The following RDH11 variants were observed in gnomAD, a reference collection of about 807,000 sequenced individuals.
RDH11 encodes retinol dehydrogenase 11, also known as HCV core-binding protein HCBP12.
RDH11 carries 19 observed loss-of-function variants against 33.4 expected under a neutral mutation model. The observed-to-expected ratio is 0.57, with a 90% CI of 0.40 to 0.83. RDH11 has a LOEUF of 0.83. RDH11 is among the 40% of genes least tolerant of loss of function. The probability of loss-of-function intolerance (pLI) is 0.00; values close to 1 mark genes in which losing one functional copy is unlikely to be tolerated. For missense variants in RDH11, 353 were observed against 389.0 expected (o/e 0.91, Z 0.78); for synonymous variants, 154 against 155.3 (o/e 0.99, Z 0.06).
Position 67,695,645 on chromosome 14 carries a change from G to A in RDH11, c.59C>T (p.Ala20Val). ...LLLLPFLLYM[A>V]APQIRKMLSS... is the part of the protein sequence containing the mutation. The stretch of plus-strand genomic sequence containing the variant: ...TTGCACAGACCTGATTTGGGGCGCA[G>A]CCATATACAGAAGGAAGGGCAGAAG... The change falls in exon 1 of 7, where the codon GCT becomes GTT. Residue 20 changes from alanine to valine, a missense_variant. Transcript: ENST00000381346. The A allele has an allele frequency of 6.2e-7, 1 of 1,614,138 alleles. No individual in the cohort carries two copies. The highest frequency in any genetic ancestry group is 1.1e-5 in the South Asian group (1 of 91,082).
intron 5 of RDH11, among the ~76,000 whole-genome samples, chr14:67,687,687 T>C (rs2140070954): frequency 6.6e-6 from 1 of 152,050 alleles, no homozygotes; most frequent in East Asian, 1.9e-4. Context: ...GTCAGGCTGG[T>C]CTTGAACTCC....
At chr14:67,693,592 G>C (rs983031561) in intron 1 of RDH11, among the ~76,000 whole-genome samples, 5 of 150,966 alleles carry the variant, frequency 3.3e-5, no homozygotes, top group African/African-American at 1.2e-4. Context: ...ACAAAGGGGA[G>C]CTGGGATTCA....
intron 5 of RDH11, among the ~76,000 whole-genome samples, chr14:67,687,467 CTTT>C (rs67069556): frequency 6.3e-5 from 5 of 79,690 alleles, no homozygotes; most frequent in Non-Finnish European, 7.7e-5. Flanking sequence ...CTCCATATTC[CTTT>C]TTTTTTTTTT....
intron 6 of RDH11, among the ~76,000 whole-genome samples, chr14:67,682,494 G>T (rs1366495318): frequency 6.6e-6 from 1 of 152,036 alleles, no homozygotes; most frequent in Non-Finnish European, 1.5e-5. Context: ...ACCAAAAAGC[G>T]CATGAAAGAA....
rs775860070 is a variant in RDH11 at position 67,682,454 on chromosome 14, T to A, written c.854+2561A>T. On this transcript the variant is annotated intron_variant, in intron 6 of 6. Transcript: ENST00000381346. ...ACTTAAAAATGGGCAAAGGACTTGA[T>A]AGACATTTCCCCAACAAAGAAACAA... 2.0e-5 allele frequency among the ~76,000 whole-genome samples: 3 copies of A among 152,304 alleles called. No homozygotes were observed. The East Asian group carries it at 5.8e-4, about 29-fold the overall frequency.
Position 67,678,252 on chromosome 14 carries a change from G to A in RDH11, c.*69C>T, listed in dbSNP as rs2037568695. 13 of 1,041,212 alleles carry A rather than the reference G, an allele frequency of 1.2e-5. No homozygotes were observed. Among genetic ancestry groups the A allele is most frequent in the Non-Finnish European group, 1.8e-5 (12 of 668,606 alleles). 64.5% of individuals were successfully genotyped at this position (1,041,212 alleles called of 1,614,324 possible). A position where few individuals can be genotyped will look rare whatever the true frequency, so the allele number is the denominator to read the frequency against. On this transcript the variant is annotated 3_prime_UTR_variant, in exon 7 of 7. Transcript: ENST00000381346. ...TAAAGGTTTTGAAAACCTTGAAGGAGAATCATTTTGACAAGAAGTACTGTG... is the reference window on the plus strand; with the variant it reads ...TAAAGGTTTTGAAAACCTTGAAGGAAAATCATTTTGACAAGAAGTACTGTG...
Position 67,678,834 on chromosome 14 carries a change from G to T in RDH11, c.855-411C>A, listed in dbSNP as rs185984545. Among the ~76,000 whole-genome samples the T allele has an allele frequency of 9.6e-3, 1,371 of 142,162 alleles. 66 individuals carry two copies. Among genetic ancestry groups the T allele is most frequent in the Admixed American group, 0.083 (1,157 of 14,012 alleles). 93.3% of individuals were successfully genotyped at this position (142,162 alleles called of 152,430 possible). A position where few individuals can be genotyped will look rare whatever the true frequency, so the allele number is the denominator to read the frequency against. On this transcript the variant is annotated intron_variant, in intron 6 of 6. Coordinates refer to ENST00000381346, the MANE Select transcript of RDH11 (RefSeq NM_016026.4). ...TTCACATTGGTCAGAGATGCCTGGA[G>T]TAGTAAAAAAAAAAAAGAAATGCTT...
intron 6 of RDH11, 69 bp downstream of exon 6, chr14:67,684,946 A>G: frequency 9.2e-6 from 12 of 1,309,118 alleles, no homozygotes; most frequent in Non-Finnish European, 1.3e-5. Flanking sequence ...AAAAGGGTAT[A>G]CCCAGACAAA....
Position 67,695,753 on chromosome 14 carries a change from C to T in RDH11, c.-50G>A. On this transcript the variant is annotated 5_prime_UTR_variant, in exon 1 of 7. Transcript: ENST00000381346. ...AGCGGGATGCTCCAGCGTTGCTCGC[C>T]GACTATGGCTTCTCTTTCTAGACAC... The T allele has an allele frequency of 6.4e-7, 1 of 1,557,440 alleles. No homozygotes were observed. Among genetic ancestry groups the T allele is most frequent in the African/African-American group, 1.4e-5 (1 of 73,654 alleles).
intron 5 of RDH11, among the ~76,000 whole-genome samples, chr14:67,687,905 A>G (rs1328183772): frequency 3.3e-5 from 5 of 151,560 alleles, no homozygotes; most frequent in Non-Finnish European, 5.9e-5. Flanking sequence ...TCCAGTAGCT[A>G]GGATTACAGG....
intron 6 of RDH11, 38 bp from the exon 7 acceptor site, chr14:67,678,461 A>C: frequency 7.1e-7 from 1 of 1,415,002 alleles, no homozygotes; most frequent in Non-Finnish European, 1.0e-6. Flanking sequence ...CACAGTGTTA[A>C]GAATGAAGTC....
intron 6 of RDH11, among the ~76,000 whole-genome samples, chr14:67,680,727 G>C (rs748021658): frequency 2.0e-5 from 3 of 152,238 alleles, no homozygotes; most frequent in Non-Finnish European, 4.4e-5. Context: ...CCAAAGTGCA[G>C]GGATTACAGG....
At chr14:67,681,073 A>G (rs2037609934) in intron 6 of RDH11, among the ~76,000 whole-genome samples, 1 of 152,172 alleles carries the variant, frequency 6.6e-6, no homozygotes, top group African/African-American at 2.4e-5. Flanking sequence ...ATTTAGAGAG[A>G]GGGCCTTTAA....
intron 6 of RDH11, among the ~76,000 whole-genome samples, chr14:67,679,505 G>A (rs1350190560): frequency 1.3e-5 from 2 of 151,720 alleles, no homozygotes; most frequent in African/African-American, 4.8e-5. Context: ...CCAGGTTTGA[G>A]CAATTCTCCT....
chr14:67,679,014 C>A (rs12435531), intron 6 of RDH11, among the ~76,000 whole-genome samples: 2 of 152,004 alleles, frequency 1.3e-5, no homozygotes, highest in South Asian at 4.2e-4. Context: ...TAACAGAATA[C>A]GACAAACTGG....
Position 67,678,311 on chromosome 14 carries a change from G to A in RDH11, c.*10C>T. ...TGCAGTCTTCTCTTGGGTCCAACTG[G>A]CACTGCCTGTTAGTCTATTGGGAGG... On this transcript the variant is annotated 3_prime_UTR_variant, in exon 7 of 7. Transcript: ENST00000381346. The A allele has an allele frequency of 6.4e-7, 1 of 1,562,210 alleles. No homozygotes were observed.
At position 67,677,157 on chromosome 14, in the gene RDH11, AT is replaced by A. The variant is rs1337148091; in HGVS notation, c.*1163del. ...CAAACAAGTGATGGGAACACTACTA[AT>A]TCCTTAGACTTCCTTTGGCAGCATT... On this transcript the variant is annotated 3_prime_UTR_variant, in exon 7 of 7. Coordinates refer to ENST00000381346, the MANE Select transcript of RDH11 (RefSeq NM_016026.4). 6.6e-6 allele frequency: 1 copy of A among 152,138 alleles called. No individual in the cohort carries two copies. The highest frequency in any genetic ancestry group is 1.9e-4 in the East Asian group (1 of 5,188). The allele number at this position is 152,138 out of a possible 1,614,324, so 9.4% of individuals were successfully genotyped here. A position where few individuals can be genotyped will look rare whatever the true frequency, so the allele number is the denominator to read the frequency against.
chr14:67,685,162 T>G lies in RDH11; in HGVS notation c.707A>C (p.Gln236Pro). 6.2e-7 allele frequency: 1 copy of G among 1,614,152 alleles called. No homozygotes were observed. The highest frequency in any genetic ancestry group is 1.1e-5 in the South Asian group (1 of 91,080). Residue 236 changes from glutamine to proline, a missense_variant, in exon 6 of 7, where the codon CAA becomes CCA. Gln to Pro is a moderately conservative substitution (Grantham distance 76, BLOSUM62 -1). Coordinates refer to ENST00000381346, the MANE Select transcript of RDH11 (RefSeq NM_016026.4). The stretch of plus-strand genomic sequence containing the variant: ...AGATGAGTGCCGAACCAGTTCAGAT[T>G]GGACTGTGCCAGGGTGTACAGAATA... ...TTYSVHPGTV[Q>P]SELVRHSSFM... is the part of the protein sequence containing the mutation.
At chr14:67,691,509 T>C (rs1566829966) in intron 3 of RDH11, 2 of 330,406 alleles carry the variant, frequency 6.1e-6, no homozygotes, top group African/African-American at 4.2e-5. Context: ...TCACTGCTTT[T>C]GGGAATTGTT....
Sources: gnomAD v4.1 joint callset for allele counts (sites outside exome capture counted in the v4.1 genomes callset) on GRCh38, gnomAD v4.1.1 for gene constraint, MANE v1.5 for transcripts, NCBI Gene and HGNC (gene_info 2026-07-23, HGNC 2026-07-21) for gene names.